Variants in RBM23 observed in about 807,000 individuals in gnomAD.
RBM23 encodes the protein probable RNA-binding protein 23.
Under a neutral mutation model 56.2 loss-of-function variants are expected in RBM23, and 53 were observed. The ratio of observed to expected loss-of-function variants is 0.94; its 90% CI spans 0.76 to 1.19. RBM23 has a LOEUF of 1.19. Among genes scored for constraint, RBM23 ranks in the 50% most tolerant of loss-of-function variants. RBM23 has a pLI of 0.00. For missense variants in RBM23, 642 were observed against 590.3 expected (o/e 1.09, Z -0.91); for synonymous variants, 197 against 198.5 (o/e 0.99, Z 0.06).
chr14:22,918,348 G>A (rs559005004), intron 1 of RBM23, among the ~76,000 whole-genome samples: 15 of 152,022 alleles, frequency 9.9e-5, no homozygotes, highest in African/African-American at 3.6e-4. Context: ...AGCCGAGATC[G>A]CGCCACTCCA....
chr14:22,907,378 A>G lies in RBM23; in HGVS notation c.227+955T>C, dbSNP rs138425475. ...GAAAAAATAAGACCCAGTGTTCAAC[A>G]AATCAGTAGGGTTATTACTACAGTG... On this transcript the variant is annotated intron_variant, in intron 4 of 13. Transcript: ENST00000359890. Among the ~76,000 whole-genome samples, 4 of 152,312 alleles carry G rather than the reference A, an allele frequency of 2.6e-5. No homozygotes were observed. The East Asian group carries it at 5.8e-4, about 22-fold the overall frequency.
intron 1 of RBM23, chr14:22,911,733 C>A (rs1372299036): frequency 2.5e-5 from 4 of 159,518 alleles, no homozygotes; most frequent in Non-Finnish European, 5.5e-5. Flanking sequence ...GCCAACATGG[C>A]GAAACCCCCT....
rs1464187384 is a variant in RBM23, at chr14:22,905,186, C to G, written c.634G>C (p.Val212Leu). 1 of 1,614,030 alleles carries G rather than the reference C, an allele frequency of 6.2e-7. No homozygotes were observed. Among genetic ancestry groups the G allele is most frequent in the Non-Finnish European group, 8.5e-7 (1 of 1,180,022 alleles). Reference sequence around the variant, plus strand: ...ACAGACTGGATTTCACAGAATTCCACGTAGGCAATGCCCTTAGAACGACGT... The same window carrying G: ...ACAGACTGGATTTCACAGAATTCCAGGTAGGCAATGCCCTTAGAACGACGT... ...NSRRSKGIAY[V>L]EFCEIQSVPL... The change falls in exon 8 of 14, where the codon GTG becomes CTG. Residue 212 changes from valine to leucine, a missense_variant. By Grantham distance (32) the Val-to-Leu change is conservative (BLOSUM62 1). Transcript: ENST00000359890.
rs777744140 is a variant in RBM23 at position 22,905,149 on chromosome 14, A to G, written c.671T>C (p.Ile224Thr). 4.3e-6 allele frequency: 7 copies of G among 1,614,102 alleles called. No homozygotes were observed. Among genetic ancestry groups the G allele is most frequent in the African/African-American group, 1.3e-5 (1 of 74,936 alleles). The change falls in exon 8 of 14, where the codon ATT (isoleucine) becomes ACT (threonine). Residue 224 changes from isoleucine to threonine, a missense_variant. Physicochemically the swap from Ile to Thr is moderately conservative, Grantham distance 89. Transcript: ENST00000359890. ...FCEIQSVPLA[I>T]GLTGQRLLGV... ...CAGCAACCGCTGCCCAGTCAGCCCA[A>G]TGGCCAGTGGCACAGACTGGATTTC...
At position 22,900,931 on chromosome 14, in the gene RBM23, A is replaced by C. The variant is rs115012406; in HGVS notation, c.*799T>G. ...AGTAGAGGCACACAGGAAGTGGTAG[A>C]GTAGCAGCCTCCCTCCATCCTCCTA... is the stretch of plus-strand genomic sequence containing the variant. On this transcript the variant is annotated 3_prime_UTR_variant, in exon 14 of 14. Transcript: ENST00000359890. 1 of 152,174 alleles carries C rather than the reference A, an allele frequency of 6.6e-6. No homozygotes were observed. The allele number at this position is 152,174 out of a possible 1,614,324, so 9.4% of individuals were successfully genotyped here. A position where few individuals can be genotyped will look rare whatever the true frequency, so the allele number is the denominator to read the frequency against.
Position 22,909,657 on chromosome 14 carries a change from G to C in RBM23, c.67-62C>G, listed in dbSNP as rs952894399. The stretch of plus-strand genomic sequence containing the variant: ...GGTGGCAGACACACAGATTCCAATG[G>C]GCAAAGGGAACAAAGGTGGACAAGG... On this transcript the variant is annotated intron_variant, in intron 2 of 13. Transcript: ENST00000359890. 6 of 1,269,736 alleles carry C rather than the reference G, an allele frequency of 4.7e-6. No homozygotes were observed. The African/African-American group carries it at 5.9e-5, about 12-fold the overall frequency. 78.7% of individuals were successfully genotyped at this position (1,269,736 alleles called of 1,614,324 possible).
Position 22,909,705 on chromosome 14 carries a change from T to C in RBM23, c.67-110A>G. 3 of 775,628 alleles carry C rather than the reference T, an allele frequency of 3.9e-6. No individual in the cohort carries two copies. In the South Asian group the frequency reaches 4.7e-5, roughly 12 times the overall value. The allele number at this position is 775,628 out of a possible 1,614,324, so 48.0% of individuals were successfully genotyped here. ...AGGAATAAATCAAACCACTTGATTATCTAGCCAGATTTTCAGCACCCTTAT... is the reference window on the plus strand; with the variant it reads ...AGGAATAAATCAAACCACTTGATTACCTAGCCAGATTTTCAGCACCCTTAT... On this transcript the variant is annotated intron_variant, in intron 2 of 13. Coordinates refer to ENST00000359890, the MANE Select transcript of RBM23 (RefSeq NM_001077351.2).
Position 22,909,556 on chromosome 14 carries a change from T to C in RBM23, c.106A>G (p.Ser36Gly), listed in dbSNP as rs777041772. Residue 36 changes from serine to glycine, a missense_variant, in exon 3 of 14, where the codon AGC becomes GGC. Transcript: ENST00000359890. ...QRKEVKKDYPSNTTSSTSNSG... is the reference protein window; with the variant it reads ...QRKEVKKDYPGNTTSSTSNSG... Reference sequence around the variant, plus strand: ...TTGCTGGTGCTGCTGGTGGTATTGCTAGGATAATCCTTTTTAACTTCTTTC... The same window carrying C: ...TTGCTGGTGCTGCTGGTGGTATTGCCAGGATAATCCTTTTTAACTTCTTTC... 80 of 1,613,522 alleles carry C rather than the reference T, an allele frequency of 5.0e-5. No individual in the cohort carries two copies. In the South Asian group the frequency reaches 8.3e-4, roughly 17 times the overall value.
chr14:22,903,868 G>T, intron 10 of RBM23: 2 of 1,150,614 alleles, frequency 1.7e-6, no homozygotes, highest in Non-Finnish European at 2.2e-6. Flanking sequence ...AGCACCAGAG[G>T]GAAGTATAAT....
intron 1 of RBM23, 37 bp downstream of exon 1, chr14:22,918,962 T>C (rs977783704): frequency 6.6e-6 from 1 of 152,138 alleles, no homozygotes; most frequent in African/African-American, 2.4e-5. Context: ...CACGCATTGG[T>C]GACGTCTGGT....
rs199996991 is a variant in RBM23 at position 22,904,886 on chromosome 14, G to A, written c.853C>T (p.Pro285Ser). The A allele has an allele frequency of 4.1e-5, 66 of 1,614,100 alleles. 1 individual carries two copies. The Admixed American group carries it at 8.8e-4, about 22-fold the overall frequency. ...TEDMLRGIFEPFGKIDNIVLM... is the reference protein window; with the variant it reads ...TEDMLRGIFESFGKIDNIVLM... ...TCACTTCTACTCACTTTACCAAAGG[G>A]CTCAAAGATGCCCCGGAGCATGTCT... is the stretch of plus-strand genomic sequence containing the variant. The change falls in exon 9 of 14, where the codon CCC (proline) becomes TCC (serine). Residue 285 changes from proline to serine, a missense_variant. Coordinates refer to ENST00000359890, the MANE Select transcript of RBM23 (RefSeq NM_001077351.2).
intron 10 of RBM23, chr14:22,903,652 C>A: frequency 1.0e-6 from 1 of 1,000,008 alleles, no homozygotes; most frequent in Admixed American, 5.4e-5. Flanking sequence ...AAAATACAAG[C>A]TTCTATCAGA....
In RBM23 at chr14:22,901,412, A is replaced by G. The variant is rs2138876875; in HGVS notation, c.*318T>C. The G allele has an allele frequency of 2.0e-6, 1 of 489,816 alleles. No individual in the cohort carries two copies. The highest frequency in any genetic ancestry group is 3.6e-6 in the Non-Finnish European group (1 of 274,108). 30.3% of individuals were successfully genotyped at this position (489,816 alleles called of 1,614,324 possible). On this transcript the variant is annotated 3_prime_UTR_variant, in exon 14 of 14. Transcript: ENST00000359890. Reference sequence around the variant, plus strand: ...CCCTATGGCCTTCCCAATGGGGGAGAAATTGAGGAATCACTAAGGTGTTGG... The same window carrying G: ...CCCTATGGCCTTCCCAATGGGGGAGGAATTGAGGAATCACTAAGGTGTTGG...
At chr14:22,904,461 G>A (rs1414376721) in intron 9 of RBM23, 135 bp from the exon 10 acceptor site, 1 of 728,222 alleles carries the variant, frequency 1.4e-6, no homozygotes, top group African/African-American at 1.8e-5. Context: ...GGGTGACAGA[G>A]TGAGACCTTG....
chr14:22,916,793 T>C (rs78886233), intron 1 of RBM23, among the ~76,000 whole-genome samples: 1 of 152,172 alleles, frequency 6.6e-6, no homozygotes, highest in Non-Finnish European at 1.5e-5. Context: ...GTCTCCTATA[T>C]CTGAGGCATG....
chr14:22,912,650 C>G (rs1006127769), intron 1 of RBM23, among the ~76,000 whole-genome samples: 9 of 152,086 alleles, frequency 5.9e-5, no homozygotes, highest in Non-Finnish European at 1.3e-4. Context: ...CAGCCCCCCC[C>G]ACAAAAAGTA....
At chr14:22,915,185 A>T (rs2043272198) in intron 1 of RBM23, among the ~76,000 whole-genome samples, 1 of 152,182 alleles carries the variant, frequency 6.6e-6, no homozygotes, top group Non-Finnish European at 1.5e-5. Context: ...GAGAGAGAAG[A>T]TTCTTAGAGA....
At position 22,906,318 on chromosome 14, in the gene RBM23, C is replaced by T. The variant is rs1411872562; in HGVS notation, c.278G>A (p.Ser93Asn). 6.2e-7 allele frequency: 1 copy of T among 1,614,252 alleles called. No individual in the cohort carries two copies. Among genetic ancestry groups the T allele is most frequent in the Non-Finnish European group, 8.5e-7 (1 of 1,180,046 alleles). ...RYRRRNSRSR[S>N]PGRQCRHRSR... ...ACGGTGACGACACTGCCGACCTGGA[C>T]TTCGGCTCCGACTATTTCTCCGTCT... is the stretch of plus-strand genomic sequence containing the variant. Residue 93 changes from serine (S) to asparagine (N), a missense_variant, in exon 5 of 14, where the codon AGT becomes AAT. Transcript: ENST00000359890.
Position 22,905,433 on chromosome 14 carries a change from C to T in RBM23, c.476G>A (p.Ser159Asn), listed in dbSNP as rs1440689900. 6.2e-7 allele frequency: 1 copy of T among 1,614,058 alleles called. No homozygotes were observed. Among genetic ancestry groups the T allele is most frequent in the East Asian group, 2.2e-5 (1 of 44,902 alleles). ...TGTGCGGGCATCACGCTCCTCAGGA[C>T]TCAGATTATCAACTGGCTCCCTGAA... ...SPVREPVDNL[S>N]PEERDARTVF... The change falls in exon 7 of 14, where the codon AGT (serine) becomes AAT (asparagine). Residue 159 changes from serine to asparagine, a missense_variant. Physicochemically the swap from Ser to Asn is conservative, Grantham distance 46 (BLOSUM62 1). Coordinates refer to ENST00000359890, the MANE Select transcript of RBM23 (RefSeq NM_001077351.2).
Sources: gnomAD v4.1 joint callset for allele counts (sites outside exome capture counted in the v4.1 genomes callset) on GRCh38, gnomAD v4.1.1 for gene constraint, MANE v1.5 for transcripts, NCBI Gene and HGNC (gene_info 2026-07-23, HGNC 2026-07-21) for gene names.